Variants in EFCAB5 observed in about 807,000 individuals in gnomAD.
The protein encoded by EFCAB5 is EF-hand calcium binding domain 5.
In EFCAB5, 131 loss-of-function variants were observed where a neutral mutation model predicts 167.9. That is an observed-to-expected ratio of 0.78 (90% confidence interval 0.68 to 0.90). EFCAB5 has a LOEUF of 0.90. Among genes scored for constraint, EFCAB5 ranks in the 40% least tolerant of loss-of-function variants. The pLI, the probability that EFCAB5 is intolerant of heterozygous loss-of-function variation, is 0.00. For synonymous variants in EFCAB5, 574 were observed against 602.8 expected, an observed-to-expected ratio of 0.95 and a Z score of 0.70; for missense variants, 1,663 against 1,745.2, an observed-to-expected ratio of 0.95 and a Z score of 0.84.
At chr17:30,015,125 C>A (rs1180041127) in intron 7 of EFCAB5, among the ~76,000 whole-genome samples, 1 of 152,108 alleles carries the variant, frequency 6.6e-6, no homozygotes, top group African/African-American at 2.4e-5. Flanking sequence ...TGAATATTGG[C>A]CCCCACACTC....
rs185802519 is a variant in EFCAB5 at position 29,965,062 on chromosome 17, C to T, written c.191-3729C>T. Among the ~76,000 whole-genome samples the T allele has an allele frequency of 2.9e-3, 437 of 151,790 alleles. 3 individuals are homozygous for T. Among genetic ancestry groups the T allele is most frequent in the Non-Finnish European group, 4.9e-3 (335 of 67,892 alleles). ...GACTACAGGCGCCTGCCACCACATC[C>T]GGCTAATTTTTTTTTTTTAATTTAC... On this transcript the variant is annotated intron_variant, in intron 3 of 22. Transcript: ENST00000394835.
At chr17:30,008,127 T>G (rs2068812879) in intron 7 of EFCAB5, among the ~76,000 whole-genome samples, 1 of 152,158 alleles carries the variant, frequency 6.6e-6, no homozygotes, top group South Asian at 2.1e-4. Flanking sequence ...CTATATGCAT[T>G]TTATAAGCTA....
chr17:30,053,209 A>T, intron 9 of EFCAB5, 46 bp from the exon 10 acceptor site: 1 of 1,534,650 alleles, frequency 6.5e-7, no homozygotes, highest in African/African-American at 1.4e-5. Context: ...CTAATTCTGC[A>T]TTATAAGATC....
intron 7 of EFCAB5, among the ~76,000 whole-genome samples, chr17:30,008,258 A>AT (rs1199367935): frequency 6.6e-6 from 1 of 152,228 alleles, no homozygotes; most frequent in African/African-American, 2.4e-5. Context: ...AAATCATTTA[A>AT]TGAGATCAAG....
chr17:29,938,817 T>A (rs2067266024), upstream of EFCAB5, among the ~76,000 whole-genome samples: 1 of 152,206 alleles, frequency 6.6e-6, no homozygotes, highest in Non-Finnish European at 1.5e-5. Context: ...TTCCATTACA[T>A]CTGCAGTTAC....
rs372132384 is a variant in EFCAB5 at position 29,969,219 on chromosome 17, A to G, written c.619A>G (p.Lys207Glu). 1.2e-6 allele frequency: 2 copies of G among 1,613,920 alleles called. No individual in the cohort carries two copies. The highest frequency in any genetic ancestry group is 1.7e-6 in the Non-Finnish European group (2 of 1,179,840). Residue 207 changes from lysine (K) to glutamate (E), a missense_variant, in exon 4 of 23, where the codon AAG becomes GAG. Lys to Glu is a moderately conservative substitution (Grantham distance 56). Transcript: ENST00000394835. The stretch of plus-strand genomic sequence containing the variant: ...TTTGACAGAAGCTGATACTCCAAGC[A>G]AGTTTGACCCAATTAATTATTTGGG... ...KVLTEADTPS[K>E]FDPINYLGEY...
chr17:30,009,522 A>G (rs897083461), intron 7 of EFCAB5, among the ~76,000 whole-genome samples: 4 of 152,176 alleles, frequency 2.6e-5, no homozygotes, highest in African/African-American at 7.2e-5. Context: ...TGTACTTGTC[A>G]TAATGTCTTC....
chr17:30,034,256 G>T lies in EFCAB5; in HGVS notation c.1071G>T (p.Leu357Phe). 6.2e-7 allele frequency: 1 copy of T among 1,613,840 alleles called. No individual in the cohort carries two copies. Among genetic ancestry groups the T allele is most frequent in the South Asian group, 1.1e-5 (1 of 91,070 alleles). The change falls in exon 8 of 23, where the codon TTG becomes TTT. Residue 357 changes from leucine to phenylalanine, a missense_variant. Physicochemically the swap from Leu to Phe is conservative, Grantham distance 22. Coordinates refer to ENST00000394835, the MANE Select transcript of EFCAB5 (RefSeq NM_198529.4). The stretch of plus-strand genomic sequence containing the variant: ...ACATCTCTTCACATATTAAAGACTT[G>T]AAGAGTGAAATGTTTGAGGAACTTC... Reference protein sequence around the residue: ...TEYISSHIKDLKSEMFEELLK... With the variant: ...TEYISSHIKDFKSEMFEELLK...
chr17:30,106,790 C>T (rs1597583351), intron 22 of EFCAB5, among the ~76,000 whole-genome samples: 1 of 152,054 alleles, frequency 6.6e-6, no homozygotes, highest in African/African-American at 2.4e-5. Context: ...TACTCTGTGA[C>T]AGATCTTCAC....
chr17:29,981,358 C>G (rs1260614268), intron 4 of EFCAB5, among the ~76,000 whole-genome samples: 2 of 152,192 alleles, frequency 1.3e-5, no homozygotes, highest in Non-Finnish European at 2.9e-5. Flanking sequence ...CTTCTCCCTA[C>G]CTCAGGGTCT....
At chr17:29,949,467 T>C (rs2067465600) in intron 3 of EFCAB5, among the ~76,000 whole-genome samples, 1 of 152,254 alleles carries the variant, frequency 6.6e-6, no homozygotes. Flanking sequence ...TTCCAGTGCC[T>C]GGCACGCAGT....
intron 4 of EFCAB5, among the ~76,000 whole-genome samples, chr17:29,982,129 A>G (rs1339703570): frequency 6.6e-6 from 1 of 152,184 alleles, no homozygotes; most frequent in Non-Finnish European, 1.5e-5. Context: ...ATACTCCAGG[A>G]ATGGCAAGAA....
intron 7 of EFCAB5, among the ~76,000 whole-genome samples, chr17:30,007,134 G>A (rs2068789016): frequency 6.6e-6 from 1 of 152,076 alleles, no homozygotes; most frequent in Non-Finnish European, 1.5e-5. Flanking sequence ...TTTGCTTTTA[G>A]CAAACTCGGC....
intron 3 of EFCAB5, among the ~76,000 whole-genome samples, chr17:29,958,954 C>T (rs2067668822): frequency 6.6e-6 from 1 of 152,172 alleles, no homozygotes. Flanking sequence ...CAGGCAGAGA[C>T]TCTTGTTCTC....
chr17:29,933,812 A>G (rs772386625), intron 1 of EFCAB5, among the ~76,000 whole-genome samples: 1 of 152,174 alleles, frequency 6.6e-6, no homozygotes, highest in Non-Finnish European at 1.5e-5. Context: ...AAAACCTATC[A>G]AGGAACCAAG....
chr17:29,979,952 C>T (rs573929306), intron 4 of EFCAB5, among the ~76,000 whole-genome samples: 2 of 152,090 alleles, frequency 1.3e-5, no homozygotes, highest in African/African-American at 2.4e-5. Flanking sequence ...GTGGATCACC[C>T]GAGGTCAGGA....
chr17:29,950,716 TTATTA>T (rs2067491683), intron 3 of EFCAB5: 1 of 152,212 alleles, frequency 6.6e-6, no homozygotes, highest in Admixed American at 6.5e-5. Flanking sequence ...CTAGCTTACT[TTATTA>T]TAAGAATACA....
At chr17:30,028,618 G>A (rs1045115302) in intron 7 of EFCAB5, among the ~76,000 whole-genome samples, 2 of 152,200 alleles carry the variant, frequency 1.3e-5, no homozygotes, top group African/African-American at 4.8e-5. Flanking sequence ...CATAAATCAA[G>A]GACCTGCCTG....
At position 30,101,592 on chromosome 17, in the gene EFCAB5, T is replaced by C. The variant is rs538014554; in HGVS notation, c.4322-6242T>C. 5.9e-5 allele frequency among the ~76,000 whole-genome samples: 9 copies of C among 152,240 alleles called. No individual in the cohort carries two copies. In the South Asian group the frequency reaches 1.9e-3, roughly 32 times the overall value. On this transcript the variant is annotated intron_variant, in intron 22 of 22. Transcript: ENST00000394835. The stretch of plus-strand genomic sequence containing the variant: ...ATAAATCTGGAGTTTTCGAGAAAGG[T>C]CTAAGCTGGAGATATAAAATCGAGA...
Sources: allele counts gnomAD v4.1 joint callset (sites outside exome capture counted in the v4.1 genomes callset), GRCh38; gene constraint gnomAD v4.1.1; transcripts MANE v1.5; gene names NCBI Gene and HGNC (gene_info 2026-07-23, HGNC 2026-07-21).